CDC73: variants seen among roughly 807,000 people sequenced by gnomAD.
CDC73 encodes the protein parafibromin.
Under a neutral mutation model 83.7 loss-of-function variants are expected in CDC73, and 21 were observed. The ratio of observed to expected loss-of-function variants is 0.25; its 90% CI spans 0.18 to 0.36. The LOEUF is 0.36. Among genes scored for constraint, CDC73 ranks in the 10% least tolerant of loss-of-function variants. The probability of loss-of-function intolerance (pLI) is 1.00; values close to 1 mark genes in which losing one functional copy is unlikely to be tolerated. For synonymous variants in CDC73, 224 were observed against 212.9 expected, an observed-to-expected ratio of 1.05 and a Z score of -0.45; for missense variants, 342 against 653.3, an observed-to-expected ratio of 0.52 and a Z score of 5.19.
Position 193,122,040 on chromosome 1 carries a change from C to A in CDC73, c.-161C>A, listed in dbSNP as rs1019457597. On this transcript the variant is annotated 5_prime_UTR_variant, in exon 1 of 17. Transcript: ENST00000367435. ...CTCGGCGGCCTGGGTGGCTACTGCC[C>A]CTGCTGCTGTCGTAGGCGAGGACGG... is the stretch of plus-strand genomic sequence containing the variant. 6 of 677,708 alleles carry A rather than the reference C, an allele frequency of 8.9e-6. No homozygotes were observed. In the Admixed American group the frequency reaches 1.2e-4, roughly 13 times the overall value. The allele number at this position is 677,708 out of a possible 1,614,324, so 42.0% of individuals were successfully genotyped here.
At chr1:193,156,390 G>T (rs545549805) in intron 10 of CDC73, among the ~76,000 whole-genome samples, 14 of 152,154 alleles carry the variant, frequency 9.2e-5, no homozygotes, top group Non-Finnish European at 2.1e-4. Context: ...CAATTATAGA[G>T]ATTAAAAGCT....
intron 6 of CDC73, among the ~76,000 whole-genome samples, chr1:193,138,900 G>A (rs1204682921): frequency 8.6e-5 from 13 of 150,482 alleles, no homozygotes; most frequent in African/African-American, 2.2e-4. Context: ...TCAGCTTCCC[G>A]AGTAGCTGGG....
At chr1:193,162,644 C>G (rs1281707078) in intron 10 of CDC73, among the ~76,000 whole-genome samples, 1 of 152,086 alleles carries the variant, frequency 6.6e-6, no homozygotes. Context: ...GCTGGGATTA[C>G]AGGCGTGAGC....
intron 11 of CDC73, among the ~76,000 whole-genome samples, chr1:193,206,515 A>G (rs1257026873): frequency 6.6e-6 from 1 of 152,316 alleles, no homozygotes; most frequent in South Asian, 2.1e-4. Flanking sequence ...TTTGCTGCCA[A>G]AACTGTTAAA....
chr1:193,181,159 T>C (rs1676707972), intron 10 of CDC73: 8 of 1,613,948 alleles, frequency 5.0e-6, no homozygotes, highest in Middle Eastern at 1.6e-4. Context: ...ATATTTGAAA[T>C]GGTAAGAATT....
At chr1:193,197,547 A>C (rs1285822866) in intron 10 of CDC73, among the ~76,000 whole-genome samples, 5 of 152,152 alleles carry the variant, frequency 3.3e-5, no homozygotes, top group Non-Finnish European at 7.3e-5. Flanking sequence ...TTAGATTGCA[A>C]GCACCATGAG....
rs536039740 is a variant in CDC73, at chr1:193,253,892, C to G, written c.*3180C>G. 4.5e-6 allele frequency: 1 copy of G among 222,856 alleles called. No individual in the cohort carries two copies. Among genetic ancestry groups the G allele is most frequent in the Non-Finnish European group, 8.9e-6 (1 of 111,792 alleles). 13.8% of individuals were successfully genotyped at this position (222,856 alleles called of 1,614,324 possible). A position where few individuals can be genotyped will look rare whatever the true frequency, so the allele number is the denominator to read the frequency against. ...TCCTAAATAAAAATTTTTCTGACTG[C>G]TAACAAAAATTAAAGTGATTACATT... On this transcript the variant is annotated 3_prime_UTR_variant, in exon 17 of 17. Coordinates refer to ENST00000367435, the MANE Select transcript of CDC73 (RefSeq NM_024529.5).
intron 10 of CDC73, among the ~76,000 whole-genome samples, chr1:193,156,061 G>T (rs144195705): frequency 0.012 from 1,861 of 152,258 alleles, 19 homozygotes; most frequent in South Asian, 0.034. Context: ...TTGTGATAGG[G>T]TCATATTAGA....
chr1:193,174,098 C>G (rs191570172), intron 10 of CDC73, among the ~76,000 whole-genome samples: 1 of 151,420 alleles, frequency 6.6e-6, no homozygotes, highest in East Asian at 2.0e-4. Context: ...ATCCACAATT[C>G]CATGCTCTAA....
Position 193,122,066 on chromosome 1 carries a change from C to T in CDC73, c.-135C>T, listed in dbSNP as rs1675456932. 18 of 788,396 alleles carry T rather than the reference C, an allele frequency of 2.3e-5. No individual in the cohort carries two copies. The highest frequency in any genetic ancestry group is 3.4e-5 in the Non-Finnish European group (16 of 468,276). 48.8% of individuals were successfully genotyped at this position (788,396 alleles called of 1,614,324 possible). On this transcript the variant is annotated 5_prime_UTR_variant, in exon 1 of 17. Coordinates refer to ENST00000367435, the MANE Select transcript of CDC73 (RefSeq NM_024529.5). ...CTGCTGCTGTCGTAGGCGAGGACGG[C>T]TGTTAGTGCTGCTGCTGTTGGTTCG...
chr1:193,218,663 A>T (rs540429483), intron 13 of CDC73, among the ~76,000 whole-genome samples: 21 of 152,210 alleles, frequency 1.4e-4, no homozygotes, highest in Non-Finnish European at 2.9e-4. Flanking sequence ...AGCAGTGGGG[A>T]AAGTGCTCAT....
chr1:193,122,398 T>C lies in CDC73; in HGVS notation c.131+67T>C, dbSNP rs1202632520. ...GTTGGGCGCCCCCAGGCGACCTCTT[T>C]CTTAACCCCTCCCCCCGTTTCCCCT... On this transcript the variant is annotated intron_variant, in intron 1 of 16. Coordinates refer to ENST00000367435, the MANE Select transcript of CDC73 (RefSeq NM_024529.5). The C allele has an allele frequency of 3.7e-6, 6 of 1,602,236 alleles. No homozygotes were observed. In the African/African-American group the frequency reaches 5.4e-5, roughly 14 times the overall value.
chr1:193,126,715 TATAA>T (rs1370778733), intron 2 of CDC73, among the ~76,000 whole-genome samples: 2 of 152,234 alleles, frequency 1.3e-5, no homozygotes, highest in Admixed American at 1.3e-4. Context: ...GAAATGTATT[TATAA>T]ATAACTACTT....
rs370382322 is a variant in CDC73, at chr1:193,204,253, A to ATGTGTGTGTG, written c.1030+417_1030+426dup. Among the ~76,000 whole-genome samples, 1,164 of 123,652 alleles carry ATGTGTGTGTG rather than the reference A, an allele frequency of 9.4e-3. 16 individuals are homozygous for ATGTGTGTGTG. The highest frequency in any genetic ancestry group is 0.034 in the African/African-American group (1,071 of 31,556). 81.1% of individuals were successfully genotyped at this position (123,652 alleles called of 152,430 possible). On this transcript the variant is annotated intron_variant, in intron 11 of 16. Coordinates refer to ENST00000367435, the MANE Select transcript of CDC73 (RefSeq NM_024529.5). ...TATATATACACGTATATATATGTGTATGTGTGTGTGTGTGTGTGTGTGTGT... is the reference window on the plus strand; with the variant it reads ...TATATATACACGTATATATATGTGTATGTGTGTGTGTGTGTGTGTGTGTGTGTGTGTGTGT...
At chr1:193,169,409 G>A (rs560575836) in intron 10 of CDC73, among the ~76,000 whole-genome samples, 2 of 152,172 alleles carry the variant, frequency 1.3e-5, no homozygotes, top group Non-Finnish European at 1.5e-5. Context: ...GCTGGGCGTG[G>A]TGGCACATGC....
intron 8 of CDC73, 128 bp downstream of exon 8, chr1:193,148,093 T>A: frequency 1.4e-6 from 1 of 725,624 alleles, no homozygotes; most frequent in Non-Finnish European, 2.5e-6. Context: ...CTTTAGCATA[T>A]CTGAAAGATG....
At chr1:193,202,584 A>C (rs944525694) in intron 10 of CDC73, among the ~76,000 whole-genome samples, 1 of 151,572 alleles carries the variant, frequency 6.6e-6, no homozygotes, top group African/African-American at 2.4e-5. Flanking sequence ...AGAATGTTGG[A>C]AAAAGGATAT....
At chr1:193,197,479 C>A (rs1434223207) in intron 10 of CDC73, among the ~76,000 whole-genome samples, 1 of 152,136 alleles carries the variant, frequency 6.6e-6, no homozygotes, top group Admixed American at 6.5e-5. Flanking sequence ...TAACTAAATA[C>A]ATATGTAATT....
At chr1:193,132,694 G>A (rs1463208843) in intron 3 of CDC73, among the ~76,000 whole-genome samples, 1 of 151,634 alleles carries the variant, frequency 6.6e-6, no homozygotes, top group Non-Finnish European at 1.5e-5. Flanking sequence ...GAATCATATG[G>A]TTTGAAAATA....
Sources: gnomAD v4.1 joint callset for allele counts (sites outside exome capture counted in the v4.1 genomes callset) on GRCh38, gnomAD v4.1.1 for gene constraint, MANE v1.5 for transcripts, NCBI Gene and HGNC (gene_info 2026-07-23, HGNC 2026-07-21) for gene names.